COX19: variants seen among roughly 807,000 people sequenced by gnomAD.
The protein encoded by COX19 is cytochrome c oxidase assembly factor COX19.
A neutral mutation model predicts 6.8 loss-of-function variants in COX19; 8 were observed. The ratio of observed to expected loss-of-function variants is 1.18; its 90% CI spans 0.69 to 2.12. The LOEUF (loss-of-function observed/expected upper bound fraction) is 2.12. COX19 is among the 30% of genes most tolerant of loss of function. The probability of loss-of-function intolerance (pLI) is 0.00; values close to 1 mark genes in which losing one functional copy is unlikely to be tolerated. For missense variants in COX19, 131 were observed against 104.6 expected (o/e 1.25, Z -1.10); for synonymous variants, 51 against 38.0 (o/e 1.34, Z -1.26).
At chr7:974,728 G>T (rs948750520) in intron 1 of COX19, among the ~76,000 whole-genome samples, 1 of 151,234 alleles carries the variant, frequency 6.6e-6, no homozygotes, top group African/African-American at 2.4e-5. Context: ...GCCCGATCTC[G>T]GCTCACTGCA....
At chr7:975,151 G>C (rs1167698493) in intron 1 of COX19, 2 of 386,498 alleles carry the variant, frequency 5.2e-6, no homozygotes, top group Admixed American at 9.4e-5. Flanking sequence ...CAGACAGCCC[G>C]CCGGGTGAGT....
rs1847588029 is a variant in COX19 at position 968,271 on chromosome 7, CAGCCA to C, written c.*1102_*1106del. ...GAACTGGAGATGGGCTGAGAAGCCT[CAGCCA>C]CCCACAGGCAGAGGGACGAGGGCAG... is the stretch of plus-strand genomic sequence containing the variant. On this transcript the variant is annotated 3_prime_UTR_variant, in exon 3 of 3. Coordinates refer to ENST00000344111, the MANE Select transcript of COX19 (RefSeq NM_001031617.3). The C allele has an allele frequency of 1.3e-5, 2 of 152,274 alleles. No individual in the cohort carries two copies. The highest frequency in any genetic ancestry group is 4.8e-5 in the African/African-American group (2 of 41,462). The allele number at this position is 152,274 out of a possible 1,614,324, so 9.4% of individuals were successfully genotyped here.
chr7:975,375 G>T, intron 1 of COX19, 53 bp downstream of exon 1: 1 of 1,426,556 alleles, frequency 7.0e-7, no homozygotes, highest in Non-Finnish European at 9.5e-7. Flanking sequence ...GCGCTGGGCC[G>T]CGACCCAGAC....
In COX19 at chr7:967,881, C is replaced by T. The variant is rs1562945034; in HGVS notation, c.*1497G>A. ...GCGAGCTCATGGCACGTGGCCACAC[C>T]GCGTCAGCGCCGACTCCACGGTGGC... On this transcript the variant is annotated 3_prime_UTR_variant, in exon 3 of 3. Coordinates refer to ENST00000344111, the MANE Select transcript of COX19 (RefSeq NM_001031617.3). The T allele has an allele frequency of 6.6e-6, 1 of 152,426 alleles. No individual in the cohort carries two copies. The highest frequency in any genetic ancestry group is 1.5e-5 in the Non-Finnish European group (1 of 68,060). The allele number at this position is 152,426 out of a possible 1,614,324, so 9.4% of individuals were successfully genotyped here. A position where few individuals can be genotyped will look rare whatever the true frequency, so the allele number is the denominator to read the frequency against.
rs1472060813 is a variant in COX19 at position 966,844 on chromosome 7, C to G, written c.*2534G>C. The G allele has an allele frequency of 6.6e-6, 1 of 152,218 alleles. No individual in the cohort carries two copies. The highest frequency in any genetic ancestry group is 2.4e-5 in the African/African-American group (1 of 41,432). 9.4% of individuals were successfully genotyped at this position (152,218 alleles called of 1,614,324 possible). A position where few individuals can be genotyped will look rare whatever the true frequency, so the allele number is the denominator to read the frequency against. On this transcript the variant is annotated 3_prime_UTR_variant, in exon 3 of 3. Coordinates refer to ENST00000344111, the MANE Select transcript of COX19 (RefSeq NM_001031617.3). ...CGTCCTGCTGGGACATCAACCCTCC[C>G]TCCGTCCAGCGTTTCGGGCCATCCA...
Position 969,200 on chromosome 7 carries a change from C to G in COX19, c.*178G>C, listed in dbSNP as rs1407191988. ...AGGGGTTCAATGCAGAAACACCCTCCTAAGGGAAAACGGGACGCCACTCCC... is the reference window on the plus strand; with the variant it reads ...AGGGGTTCAATGCAGAAACACCCTCGTAAGGGAAAACGGGACGCCACTCCC... On this transcript the variant is annotated 3_prime_UTR_variant, in exon 3 of 3. Transcript: ENST00000344111. The G allele has an allele frequency of 5.3e-5, 33 of 627,928 alleles. No individual in the cohort carries two copies. The East Asian group carries it at 8.8e-4, about 17-fold the overall frequency. 38.9% of individuals were successfully genotyped at this position (627,928 alleles called of 1,614,324 possible). A position where few individuals can be genotyped will look rare whatever the true frequency, so the allele number is the denominator to read the frequency against.
intron 2 of COX19, chr7:972,908 T>A: frequency 4.5e-6 from 1 of 219,900 alleles, no homozygotes; most frequent in East Asian, 9.4e-5. Flanking sequence ...TAATGACAGG[T>A]CGGTAGCAAC....
rs1583200781 is a variant in COX19, at chr7:965,840, T to C, written c.*3538A>G. Among the ~76,000 whole-genome samples, 1 of 152,228 alleles carries C rather than the reference T, an allele frequency of 6.6e-6. No individual in the cohort carries two copies. The highest frequency in any genetic ancestry group is 2.4e-5 in the African/African-American group (1 of 41,452). On this transcript the variant is annotated 3_prime_UTR_variant, in exon 3 of 3. Coordinates refer to ENST00000344111, the MANE Select transcript of COX19 (RefSeq NM_001031617.3). ...TTTTAGTAGAGACAGGGTTTCTCCA[T>C]GTTGGCCAGGCTGGCCTTGAACTCC...
rs141369456 is a variant in COX19 at position 973,777 on chromosome 7, C to T, written c.83-485G>A. On this transcript the variant is annotated intron_variant, in intron 1 of 2. Coordinates refer to ENST00000344111, the MANE Select transcript of COX19 (RefSeq NM_001031617.3). ...GGTCAGGAGTTCAAGACCAGCTCGG[C>T]CAACTTGGTGAAACCCCATCTCTAT... Among the ~76,000 whole-genome samples, 427 of 152,068 alleles carry T rather than the reference C, an allele frequency of 2.8e-3. 4 individuals carry two copies. Among genetic ancestry groups the T allele is most frequent in the African/African-American group, 9.8e-3 (408 of 41,458 alleles).
At chr7:971,274 C>G (rs1460490666) in intron 2 of COX19, among the ~76,000 whole-genome samples, 2 of 152,244 alleles carry the variant, frequency 1.3e-5, no homozygotes, top group East Asian at 3.9e-4. Flanking sequence ...ATTTTCACAT[C>G]AGGCAAACAT....
rs774667945 is a variant in COX19 at position 969,435 on chromosome 7, T to C, written c.216A>G (p.Pro72=). ...RMERKLMLQE[P]LEKLGFGDLT... is the part of the protein sequence containing the mutation. ...AGTCTCCAAATCCCAGTTTCTCCAA[T>C]GGTTCTTGTAGCATCAATTTTCTAA... Residue 72 remains proline (P), a synonymous_variant, in exon 3 of 3, where the codon CCA becomes CCG. Transcript: ENST00000344111. 25 of 1,610,268 alleles carry C rather than the reference T, an allele frequency of 1.6e-5. No individual in the cohort carries two copies. The highest frequency in any genetic ancestry group is 5.3e-5 in the African/African-American group (4 of 74,892).
rs1003168332 is a variant in COX19 at position 967,232 on chromosome 7, G to A, written c.*2146C>T. On this transcript the variant is annotated 3_prime_UTR_variant, in exon 3 of 3. Transcript: ENST00000344111. ...ACAGGAAAAAACAGCGCCTGGACAGGATTCGGGACTATCCGCGGCTTCGGC... is the reference window on the plus strand; with the variant it reads ...ACAGGAAAAAACAGCGCCTGGACAGAATTCGGGACTATCCGCGGCTTCGGC... 1.3e-5 allele frequency: 2 copies of A among 152,182 alleles called. No homozygotes were observed. Among genetic ancestry groups the A allele is most frequent in the African/African-American group, 4.8e-5 (2 of 41,436 alleles). 9.4% of individuals were successfully genotyped at this position (152,182 alleles called of 1,614,324 possible). A position where few individuals can be genotyped will look rare whatever the true frequency, so the allele number is the denominator to read the frequency against.
In COX19 at chr7:972,181, G is replaced by A. The variant is rs372012183; in HGVS notation, c.194+1000C>T. On this transcript the variant is annotated intron_variant, in intron 2 of 2. Transcript: ENST00000344111. ...TAATTTAAACACGTGGCTCCAGCCA[G>A]CGTGCTACTTAAACAATCAGAGATG... Among the ~76,000 whole-genome samples the A allele has an allele frequency of 1.7e-4, 26 of 152,352 alleles. 1 individual carries two copies. The highest frequency in any genetic ancestry group is 6.0e-4 in the African/African-American group (25 of 41,582).
intron 1 of COX19, 90 bp downstream of exon 1, chr7:975,338 C>G (rs1847690220): frequency 9.6e-7 from 1 of 1,038,780 alleles, no homozygotes; most frequent in Admixed American, 2.8e-5. Flanking sequence ...CTGCACCGCG[C>G]TAGATGCCGG....
At chr7:975,204 G>C (rs1374540111) in intron 1 of COX19, 6 of 430,476 alleles carry the variant, frequency 1.4e-5, no homozygotes, top group African/African-American at 1.0e-4. Flanking sequence ...CAAGGAGTCG[G>C]TGTCGCTGCC....
At chr7:975,121 C>T in intron 1 of COX19, 1 of 344,528 alleles carries the variant, frequency 2.9e-6, no homozygotes, top group Admixed American at 4.9e-5. Flanking sequence ...CCGAATGCCC[C>T]GCTCTGCAAA....
In COX19 at chr7:973,240, A is replaced by C. The variant is rs771032713; in HGVS notation, c.135T>G (p.Asn45Lys). ...EKFMKCLHNN[N>K]FENALCRKES... is the part of the protein sequence containing the mutation. ...CCTTTCTGCACAAAGCATTTTCAAA[A>C]TTATTGTTATGAAGACACTTCATGA... Residue 45 changes from asparagine to lysine, a missense_variant, in exon 2 of 3, where the codon AAT becomes AAG. Physicochemically the swap from Asn to Lys is moderately conservative, Grantham distance 94 (BLOSUM62 0). Transcript: ENST00000344111. 1.1e-5 allele frequency: 18 copies of C among 1,604,530 alleles called. No individual in the cohort carries two copies. Among genetic ancestry groups the C allele is most frequent in the Admixed American group, 1.0e-4 (6 of 58,138 alleles).
chr7:965,553 A>T lies in COX19; in HGVS notation c.*3825T>A, dbSNP rs957713998. ...GCCTCTGCCGTTCTGCTGTGACATG[A>T]CTGTCTCCTCGGAGGTCACTATGCA... On this transcript the variant is annotated 3_prime_UTR_variant, in exon 3 of 3. Coordinates refer to ENST00000344111, the MANE Select transcript of COX19 (RefSeq NM_001031617.3). Among the ~76,000 whole-genome samples the T allele has an allele frequency of 6.6e-6, 1 of 152,070 alleles. No individual in the cohort carries two copies. The highest frequency in any genetic ancestry group is 2.4e-5 in the African/African-American group (1 of 41,382).
chr7:968,268 C>T lies in COX19; in HGVS notation c.*1110G>A, dbSNP rs1486168766. 2 of 152,274 alleles carry T rather than the reference C, an allele frequency of 1.3e-5. No homozygotes were observed. Among genetic ancestry groups the T allele is most frequent in the African/African-American group, 4.8e-5 (2 of 41,460 alleles). 9.4% of individuals were successfully genotyped at this position (152,274 alleles called of 1,614,324 possible). A position where few individuals can be genotyped will look rare whatever the true frequency, so the allele number is the denominator to read the frequency against. On this transcript the variant is annotated 3_prime_UTR_variant, in exon 3 of 3. Transcript: ENST00000344111. ...AGAGAACTGGAGATGGGCTGAGAAG[C>T]CTCAGCCACCCACAGGCAGAGGGAC...
Sources: gnomAD v4.1 joint callset for allele counts (sites outside exome capture counted in the v4.1 genomes callset) on GRCh38, gnomAD v4.1.1 for gene constraint, MANE v1.5 for transcripts, NCBI Gene and HGNC (gene_info 2026-07-23, HGNC 2026-07-21) for gene names.